LUC7L: variants seen among roughly 807,000 people sequenced by gnomAD.
LUC7L encodes the protein LUC7 like.
Under a neutral mutation model 51.1 loss-of-function variants are expected in LUC7L, and 29 were observed. That is an observed-to-expected ratio of 0.57 (90% confidence interval 0.42 to 0.77). LUC7L has a LOEUF of 0.77. LUC7L is among the 30% of genes least tolerant of loss of function. The pLI is 0.00. For synonymous variants in LUC7L, 181 were observed against 180.7 expected (o/e 1.00, Z -0.01); for missense variants, 403 against 511.9 (o/e 0.79, Z 2.05).
chr16:222,681 C>T (rs2050006805), intron 2 of LUC7L, among the ~76,000 whole-genome samples: 1 of 150,850 alleles, frequency 6.6e-6, no homozygotes. Context: ...TCTTGTTGCC[C>T]AGACTGTAGT....
At chr16:212,004 C>T (rs1303571953) in intron 3 of LUC7L, among the ~76,000 whole-genome samples, 2 of 152,074 alleles carry the variant, frequency 1.3e-5, no homozygotes. Flanking sequence ...TCCAAAGAGC[C>T]GCAGAGGGGC....
Position 229,007 on chromosome 16 carries a change from G to T in LUC7L, c.61+272C>A, listed in dbSNP as rs541511585. Reference sequence around the variant, plus strand: ...GGGCACGGAGCCGCGGCGCCCGCCGGGGAGGAAGTAGCAGGACGGTACATA... The same window carrying T: ...GGGCACGGAGCCGCGGCGCCCGCCGTGGAGGAAGTAGCAGGACGGTACATA... On this transcript the variant is annotated intron_variant, in intron 1 of 9. Coordinates refer to ENST00000293872, the MANE Select transcript of LUC7L (RefSeq NM_201412.3). 9 of 1,447,902 alleles carry T rather than the reference G, an allele frequency of 6.2e-6. No homozygotes were observed. The South Asian group carries it at 1.0e-4, about 17-fold the overall frequency. The allele number at this position is 1,447,902 out of a possible 1,614,324, so 89.7% of individuals were successfully genotyped here.
chr16:219,880 A>G (rs1169024538), intron 3 of LUC7L, among the ~76,000 whole-genome samples: 1 of 152,182 alleles, frequency 6.6e-6, no homozygotes, highest in Non-Finnish European at 1.5e-5. Context: ...AAAAAAAAAA[A>G]AAGAATTTAC....
chr16:220,005 A>G (rs937021820), intron 3 of LUC7L, among the ~76,000 whole-genome samples: 1 of 152,206 alleles, frequency 6.6e-6, no homozygotes, highest in Non-Finnish European at 1.5e-5. Flanking sequence ...TGATAATACA[A>G]AGTGTTGGTG....
intron 1 of LUC7L, chr16:228,945 T>C (rs987967428): frequency 1.4e-5 from 20 of 1,400,046 alleles, no homozygotes; most frequent in Non-Finnish European, 1.8e-5. Context: ...GAGCCCACGC[T>C]GATTCCAGCC....
At chr16:222,317 T>C (rs1178606208) in intron 2 of LUC7L, among the ~76,000 whole-genome samples, 1 of 134,534 alleles carries the variant, frequency 7.4e-6, no homozygotes, top group African/African-American at 2.9e-5. Flanking sequence ...AAAGAACATG[T>C]CTACATAACC....
intron 5 of LUC7L, among the ~76,000 whole-genome samples, chr16:203,657 A>G: frequency 6.7e-6 from 1 of 148,226 alleles, no homozygotes; most frequent in South Asian, 2.1e-4. Context: ...TCAGTGAGCC[A>G]AGATCGCGCC....
At chr16:199,006 G>T in intron 6 of LUC7L, 56 bp downstream of exon 6, 1 of 1,487,618 alleles carries the variant, frequency 6.7e-7, no homozygotes, top group Non-Finnish European at 9.0e-7. Flanking sequence ...AAAAATTAAA[G>T]AAATGTGAAA....
intron 3 of LUC7L, among the ~76,000 whole-genome samples, chr16:211,726 C>T (rs2049646148): frequency 6.6e-6 from 1 of 152,212 alleles, no homozygotes; most frequent in African/African-American, 2.4e-5. Context: ...AACATAAACC[C>T]TAAAAGCCCC....
At chr16:217,135 G>C (rs919821702) in intron 3 of LUC7L, among the ~76,000 whole-genome samples, 3 of 152,056 alleles carry the variant, frequency 2.0e-5, no homozygotes. Flanking sequence ...TCCTGCCTCA[G>C]TCTCCCGAGT....
intron 6 of LUC7L, among the ~76,000 whole-genome samples, chr16:198,510 C>T (rs950587862): frequency 2.0e-5 from 3 of 152,030 alleles, no homozygotes; most frequent in African/African-American, 4.8e-5. Flanking sequence ...AGATACACAA[C>T]GAGCTGTATG....
chr16:196,225 C>A (rs796596973), intron 6 of LUC7L, among the ~76,000 whole-genome samples: 1 of 151,942 alleles, frequency 6.6e-6, no homozygotes, highest in Non-Finnish European at 1.5e-5. Context: ...CTGAGCAACA[C>A]GGTGAAACCC....
chr16:197,727 G>A (rs1205947320), intron 6 of LUC7L, among the ~76,000 whole-genome samples: 1 of 152,168 alleles, frequency 6.6e-6, no homozygotes, highest in Non-Finnish European at 1.5e-5. Context: ...GCCATATGCG[G>A]CCTGAGTGAG....
chr16:189,164 T>C lies in LUC7L; in HGVS notation c.*34A>G. The C allele has an allele frequency of 6.3e-7, 1 of 1,587,616 alleles. No homozygotes were observed. The highest frequency in any genetic ancestry group is 8.6e-7 in the Non-Finnish European group (1 of 1,161,904). On this transcript the variant is annotated 3_prime_UTR_variant, in exon 10 of 10. Transcript: ENST00000293872. ...GGGTAATTTTAGACTGTGTGAACGTTTATCAGACTATTTACAGCACCCGGG... is the reference window on the plus strand; with the variant it reads ...GGGTAATTTTAGACTGTGTGAACGTCTATCAGACTATTTACAGCACCCGGG...
Position 189,223 on chromosome 16 carries a change from T to A in LUC7L, c.1091A>T (p.Glu364Val). Residue 364 changes from glutamate (E) to valine (V), a missense_variant, in exon 10 of 10, where the codon GAA becomes GTA. Around this residue, in one of 3 missense-constraint regions of LUC7L, gnomAD observed 206 missense variants for 218.3 expected, o/e 0.94. Coordinates refer to ENST00000293872, the MANE Select transcript of LUC7L (RefSeq NM_201412.3). ...TCAGATCTCGCCGGCCTCCTTCTCT[T>A]CTGACCTCCGTGAAGCCATCTTCCC... is the stretch of plus-strand genomic sequence containing the variant. ...SNGKMASRRS[E>V]EKEAGEI The A allele has an allele frequency of 6.2e-7, 1 of 1,614,014 alleles. No homozygotes were observed. The highest frequency in any genetic ancestry group is 1.1e-5 in the South Asian group (1 of 91,016).
intron 6 of LUC7L, among the ~76,000 whole-genome samples, chr16:198,569 A>C (rs556955252): frequency 7.7e-4 from 118 of 152,320 alleles, no homozygotes; most frequent in African/African-American, 2.7e-3. Context: ...GACAGGGTCC[A>C]AAATAAATCT....
chr16:189,268 C>T lies in LUC7L; in HGVS notation c.1046G>A (p.Trp349Ter). 1 of 1,613,976 alleles carries T rather than the reference C, an allele frequency of 6.2e-7. No homozygotes were observed. Among genetic ancestry groups the T allele is most frequent in the Non-Finnish European group, 8.5e-7 (1 of 1,180,010 alleles). Residue 349 changes from tryptophan (W) to a stop codon, truncating the protein, a stop_gained, in exon 10 of 10, where the codon TGG becomes TAG. Coordinates refer to ENST00000293872, the MANE Select transcript of LUC7L (RefSeq NM_201412.3). LOFTEE classifies it high-confidence loss of function. Reference protein sequence around the residue: ...SGRSERGPPDWRLESSNGKMA... With the variant: ...SGRSERGPPD ...CTTCCCGTTGGAGCTCTCAAGCCTCCAGTCCGGGGGCCCTCGCTCGCTCCG... is the reference window on the plus strand; with the variant it reads ...CTTCCCGTTGGAGCTCTCAAGCCTCTAGTCCGGGGGCCCTCGCTCGCTCCG...
intron 4 of LUC7L, among the ~76,000 whole-genome samples, chr16:207,275 A>G (rs1596638313): frequency 6.6e-6 from 1 of 151,920 alleles, no homozygotes; most frequent in East Asian, 1.9e-4. Flanking sequence ...AGGCTGAAGC[A>G]AAGTAGCATG....
intron 6 of LUC7L, among the ~76,000 whole-genome samples, chr16:197,794 G>C (rs976815553): frequency 6.6e-6 from 1 of 152,138 alleles, no homozygotes; most frequent in African/African-American, 2.4e-5. Context: ...GCATTCTGCA[G>C]TCAGCGACAC....
Sources: allele counts gnomAD v4.1 joint callset (sites outside exome capture counted in the v4.1 genomes callset), GRCh38; gene constraint gnomAD v4.1.1; regional missense constraint gnomAD v4.1.1; transcripts MANE v1.5; gene names NCBI Gene and HGNC (gene_info 2026-07-23, HGNC 2026-07-21).